PTPRN2: variants seen among roughly 807,000 people sequenced by gnomAD.
PTPRN2 encodes the protein protein tyrosine phosphatase receptor type N2.
In PTPRN2, 74 loss-of-function variants were observed where a neutral mutation model predicts 118.8. The observed-to-expected ratio is 0.62, with a 90% confidence interval of 0.52 to 0.76. PTPRN2 has a LOEUF of 0.76. PTPRN2 is among the 30% of genes least tolerant of loss of function. PTPRN2 has a pLI of 0.00. For missense variants in PTPRN2, 1,481 were observed against 1,394.4 expected (o/e 1.06, Z -0.99); for synonymous variants, 641 against 608.0 (o/e 1.05, Z -0.80).
chr7:158,432,434 G>A (rs894827489), intron 2 of PTPRN2, among the ~76,000 whole-genome samples: 1 of 152,190 alleles, frequency 6.6e-6, no homozygotes, highest in African/African-American at 2.4e-5. Flanking sequence ...CCTCTGTGTC[G>A]TCTTGGAACA....
At chr7:158,166,705 A>G (rs1319290183) in intron 6 of PTPRN2, among the ~76,000 whole-genome samples, 1 of 152,122 alleles carries the variant, frequency 6.6e-6, no homozygotes, top group African/African-American at 2.4e-5. Flanking sequence ...CTCACTGGCC[A>G]CTGCGTTCCC....
chr7:158,553,118 C>A (rs957660534), intron 1 of PTPRN2, among the ~76,000 whole-genome samples: 7 of 151,936 alleles, frequency 4.6e-5, no homozygotes, highest in Non-Finnish European at 8.8e-5. Context: ...TCTACACCAC[C>A]TTCCCCATGT....
intron 2 of PTPRN2, among the ~76,000 whole-genome samples, chr7:158,369,011 G>A (rs1809748800): frequency 6.6e-6 from 1 of 152,220 alleles, no homozygotes; most frequent in East Asian, 1.9e-4. Flanking sequence ...CCCTCAGTCT[G>A]GGTGGGCACC....
intron 3 of PTPRN2, among the ~76,000 whole-genome samples, chr7:158,260,312 G>A (rs938296775): frequency 6.6e-6 from 1 of 152,180 alleles, no homozygotes; most frequent in Non-Finnish European, 1.5e-5. Flanking sequence ...TTTCATATCA[G>A]TGCCTGCAAA....
chr7:157,719,626 C>A (rs980841228), intron 12 of PTPRN2, among the ~76,000 whole-genome samples: 2 of 152,222 alleles, frequency 1.3e-5, no homozygotes, highest in Non-Finnish European at 2.9e-5. Flanking sequence ...GGCATGAGCG[C>A]CCCCGGAGAG....
At chr7:158,171,308 C>CACATATATATAT (rs1404282409) in intron 5 of PTPRN2, among the ~76,000 whole-genome samples, 1 of 48,678 alleles carries the variant, frequency 2.1e-5, no homozygotes, top group Non-Finnish European at 3.7e-5. Flanking sequence ...TATATACACA[C>CACATATATATAT]ATATATATAT....
At chr7:158,039,659 C>T (rs1215119063) in intron 11 of PTPRN2, among the ~76,000 whole-genome samples, 8 of 152,160 alleles carry the variant, frequency 5.3e-5, no homozygotes, top group African/African-American at 1.9e-4. Flanking sequence ...AAAGATAAAA[C>T]CTAATGCTAA....
chr7:158,312,775 A>G (rs79558128), intron 3 of PTPRN2, among the ~76,000 whole-genome samples: 2 of 87,580 alleles, frequency 2.3e-5, no homozygotes, highest in South Asian at 8.8e-4. Flanking sequence ...GTAGATACCC[A>G]CACACGCACA....
intron 11 of PTPRN2, among the ~76,000 whole-genome samples, chr7:158,067,625 T>C (rs1282225960): frequency 6.6e-6 from 1 of 152,076 alleles, no homozygotes; most frequent in African/African-American, 2.4e-5. Flanking sequence ...TGTCGGAGGC[T>C]TTGTGGGTCG....
chr7:157,556,964 T>G (rs1450631388), intron 21 of PTPRN2, among the ~76,000 whole-genome samples: 1 of 149,872 alleles, frequency 6.7e-6, no homozygotes, highest in Non-Finnish European at 1.5e-5. Flanking sequence ...TCATGTCATA[T>G]GCACACACAT....
intron 11 of PTPRN2, among the ~76,000 whole-genome samples, chr7:157,967,222 A>G (rs1043133003): frequency 2.0e-5 from 3 of 152,064 alleles, no homozygotes; most frequent in Admixed American, 6.6e-5. Flanking sequence ...ACTTGGGAGG[A>G]CCCCTTAAGC....
chr7:157,544,825 G>A (rs1260617897), intron 22 of PTPRN2, among the ~76,000 whole-genome samples: 1 of 152,186 alleles, frequency 6.6e-6, no homozygotes. Flanking sequence ...GTGTGCACAC[G>A]GGAATGTGTG....
At chr7:158,396,649 C>G (rs1377051757) in intron 2 of PTPRN2, among the ~76,000 whole-genome samples, 1 of 150,026 alleles carries the variant, frequency 6.7e-6, no homozygotes, top group Non-Finnish European at 1.5e-5. Context: ...TCCGTTCTCA[C>G]AGGGTAGGCT....
chr7:157,540,826 G>A (rs1178196012), intron 22 of PTPRN2, 41 bp from the exon 23 acceptor site: 9 of 1,490,846 alleles, frequency 6.0e-6, no homozygotes, highest in South Asian at 4.8e-5. Context: ...TGAGAGCGGC[G>A]TCCCCCCGAC....
Position 158,508,947 on chromosome 7 carries a change from G to T in PTPRN2, c.113-19162C>A, listed in dbSNP as rs189907938. 1.7e-3 allele frequency among the ~76,000 whole-genome samples: 260 copies of T among 149,136 alleles called. 9 individuals are homozygous for T. Among genetic ancestry groups the T allele is most frequent in the African/African-American group, 6.5e-3 (251 of 38,646 alleles). Reference sequence around the variant, plus strand: ...GTGGCTCTGCTCCTGTGGGTGTCAGGGCAACGTGGGATGCTCAGGAGGGGG... The same window carrying T: ...GTGGCTCTGCTCCTGTGGGTGTCAGTGCAACGTGGGATGCTCAGGAGGGGG... On this transcript the variant is annotated intron_variant, in intron 1 of 22. Transcript: ENST00000389418.
intron 12 of PTPRN2, among the ~76,000 whole-genome samples, chr7:157,841,526 A>AAC (rs368562228): frequency 6.6e-6 from 1 of 152,308 alleles, no homozygotes; most frequent in East Asian, 1.9e-4. Context: ...ATTAGTCTTA[A>AAC]ACACACACAC....
intron 2 of PTPRN2, among the ~76,000 whole-genome samples, chr7:158,333,494 C>T (rs1203632017): frequency 2.0e-5 from 3 of 147,916 alleles, no homozygotes; most frequent in Admixed American, 6.6e-5. Context: ...CACCTGGAGA[C>T]GTCACTCACA....
rs192997931 is a variant in PTPRN2, at chr7:157,768,054, A to C, written c.1789-85117T>G. 3.6e-4 allele frequency among the ~76,000 whole-genome samples: 55 copies of C among 152,350 alleles called. 1 individual carries two copies. Among genetic ancestry groups the C allele is most frequent in the African/African-American group, 1.2e-3 (49 of 41,584 alleles). On this transcript the variant is annotated intron_variant, in intron 12 of 22. Transcript: ENST00000389418. ...CACACACTCTGCAGTGTGGCGACTA[A>C]TATTGATCTTCCAAACGGTAAAAAC...
At chr7:158,080,332 A>C (rs1459621384) in intron 11 of PTPRN2, among the ~76,000 whole-genome samples, 6 of 151,132 alleles carry the variant, frequency 4.0e-5, no homozygotes, top group African/African-American at 1.2e-4. Flanking sequence ...AAAAAAAAAA[A>C]AAAAAAAAAC....
Sources: gnomAD v4.1 joint callset for allele counts (sites outside exome capture counted in the v4.1 genomes callset) on GRCh38, gnomAD v4.1.1 for gene constraint, MANE v1.5 for transcripts, NCBI Gene and HGNC (gene_info 2026-07-23, HGNC 2026-07-21) for gene names.